UBXN2B: variants seen among roughly 807,000 people sequenced by gnomAD.
UBXN2B encodes UBX domain-containing protein 2B.
A neutral mutation model predicts 37.5 loss-of-function variants in UBXN2B; 19 were observed. That is an observed-to-expected ratio of 0.51 (90% confidence interval 0.35 to 0.74). UBXN2B has a LOEUF of 0.74. UBXN2B is among the 30% of genes least tolerant of loss of function. UBXN2B has a pLI of 0.01. For missense variants in UBXN2B, 370 were observed against 393.2 expected (o/e 0.94, Z 0.50); for synonymous variants, 145 against 143.8 (o/e 1.01, Z -0.06).
intron 3 of UBXN2B, among the ~76,000 whole-genome samples, 157 bp from the exon 4 acceptor site, chr8:58,433,003 T>C (rs1379445860): frequency 1.3e-5 from 2 of 152,242 alleles, no homozygotes; most frequent in Non-Finnish European, 1.5e-5. Flanking sequence ...GAAATGATCT[T>C]TTAGTCAAGT....
chr8:58,440,996 T>C (rs1273416287), intron 6 of UBXN2B, among the ~76,000 whole-genome samples: 1 of 150,724 alleles, frequency 6.6e-6, no homozygotes, highest in Non-Finnish European at 1.5e-5. Flanking sequence ...TCTTTCTTTC[T>C]CTTTTTTTTT....
chr8:58,434,369 A>ATTT (rs3080297), intron 4 of UBXN2B, 26 bp from the exon 5 acceptor site: 96 of 307,022 alleles, frequency 3.1e-4, no homozygotes, highest in African/African-American at 2.4e-3. Context: ...ATATATATAT[A>ATTT]TTTTTTTTTT....
chr8:58,411,401 G>A lies in UBXN2B; in HGVS notation c.16G>A (p.Gly6Ser). The change falls in exon 1 of 8, where the codon GGC (glycine) becomes AGC (serine). Residue 6 changes from glycine to serine, a missense_variant. Gly to Ser is a moderately conservative substitution (Grantham distance 56). Around this residue, in one of 3 missense-constraint regions of UBXN2B, gnomAD observed 197 missense variants for 170.2 expected, o/e 1.16. Coordinates refer to ENST00000399598, the MANE Select transcript of UBXN2B (RefSeq NM_001077619.2). MAEGG[G>S]PEPGEQERRS... ...CCAGCGGAAGATGGCGGAGGGCGGAGGCCCTGAGCCCGGCGAGCAGGAGAG... is the reference window on the plus strand; with the variant it reads ...CCAGCGGAAGATGGCGGAGGGCGGAAGCCCTGAGCCCGGCGAGCAGGAGAG... The A allele has an allele frequency of 7.9e-7, 1 of 1,269,138 alleles. No individual in the cohort carries two copies. The highest frequency in any genetic ancestry group is 1.0e-6 in the Non-Finnish European group (1 of 1,002,782). The allele number at this position is 1,269,138 out of a possible 1,614,324, so 78.6% of individuals were successfully genotyped here. A position where few individuals can be genotyped will look rare whatever the true frequency, so the allele number is the denominator to read the frequency against.
At chr8:58,437,318 CTTTTTTTTTTTTTT>C (rs773987509) in intron 5 of UBXN2B, among the ~76,000 whole-genome samples, 977 of 74,260 alleles carry the variant, frequency 0.013, 15 homozygotes, top group Non-Finnish European at 0.019. Flanking sequence ...GAAGAAATTT[CTTTTTTTTTTTTTT>C]TTTTTTTTTT....
chr8:58,441,831 C>T (rs761708254), intron 6 of UBXN2B, among the ~76,000 whole-genome samples: 3 of 152,094 alleles, frequency 2.0e-5, no homozygotes, highest in Admixed American at 6.6e-5. Flanking sequence ...CCATATTGAT[C>T]AAGATTTTGA....
intron 2 of UBXN2B, among the ~76,000 whole-genome samples, chr8:58,419,157 C>T (rs1019565491): frequency 5.9e-5 from 9 of 152,116 alleles, no homozygotes; most frequent in Non-Finnish European, 1.3e-4. Flanking sequence ...TAGGTTGAGA[C>T]GTAAACTGTG....
intron 2 of UBXN2B, among the ~76,000 whole-genome samples, chr8:58,423,254 A>T (rs979295308): frequency 2.9e-4 from 44 of 152,274 alleles, no homozygotes; most frequent in African/African-American, 1.0e-3. Flanking sequence ...CAGCCAGGCC[A>T]CTGAAAGAGA....
intron 5 of UBXN2B, among the ~76,000 whole-genome samples, chr8:58,438,538 G>A (rs753342351): frequency 3.9e-5 from 6 of 152,214 alleles, no homozygotes; most frequent in Non-Finnish European, 4.4e-5. Flanking sequence ...CTGCCCTGCC[G>A]GGTTTCAGAC....
intron 2 of UBXN2B, among the ~76,000 whole-genome samples, chr8:58,420,233 G>A (rs1807890592): frequency 6.6e-6 from 1 of 152,100 alleles, no homozygotes; most frequent in Non-Finnish European, 1.5e-5. Flanking sequence ...CTTTTACTCT[G>A]ATAATACAGC....
chr8:58,439,326 G>A (rs1429651878), intron 5 of UBXN2B, among the ~76,000 whole-genome samples: 1 of 152,092 alleles, frequency 6.6e-6, no homozygotes, highest in East Asian at 1.9e-4. Context: ...ATCCTCATAG[G>A]AATTTTCTAG....
At chr8:58,420,928 G>C (rs757319351) in intron 2 of UBXN2B, among the ~76,000 whole-genome samples, 1 of 152,186 alleles carries the variant, frequency 6.6e-6, no homozygotes, top group Non-Finnish European at 1.5e-5. Context: ...CCTGACATCA[G>C]GGAGGCCATG....
At chr8:58,426,729 C>T (rs1302789490) in intron 2 of UBXN2B, 3 of 664,084 alleles carry the variant, frequency 4.5e-6, no homozygotes, top group South Asian at 2.8e-5. Context: ...GTTCCTTGCT[C>T]AGGCTCCACT....
At position 58,451,134 on chromosome 8, in the gene UBXN2B, C is replaced by T. The variant is rs1290296194; in HGVS notation, c.*3583C>T. The stretch of plus-strand genomic sequence containing the variant: ...GGATTAACAAAACAGGAAAAATAAC[C>T]AATCCTTGTAAAATTATTTGAAATT... On this transcript the variant is annotated 3_prime_UTR_variant, in exon 8 of 8. Coordinates refer to ENST00000399598, the MANE Select transcript of UBXN2B (RefSeq NM_001077619.2). 2 of 152,516 alleles carry T rather than the reference C, an allele frequency of 1.3e-5. No homozygotes were observed. The highest frequency in any genetic ancestry group is 4.8e-5 in the African/African-American group (2 of 41,392). The allele number at this position is 152,516 out of a possible 1,614,324, so 9.4% of individuals were successfully genotyped here.
intron 3 of UBXN2B, 76 bp downstream of exon 3, chr8:58,430,745 C>A: frequency 8.8e-7 from 1 of 1,135,312 alleles, no homozygotes; most frequent in Non-Finnish European, 1.1e-6. Context: ...TATTTGCAAA[C>A]ATTGTTTTTC....
At chr8:58,437,329 T>TC (rs35049059) in intron 5 of UBXN2B, among the ~76,000 whole-genome samples, 38,716 of 127,902 alleles carry the variant, frequency 0.3, 6,590 homozygotes, top group Admixed American at 0.46. Context: ...TTTTTTTTTT[T>TC]TTTTTTTTTT....
At chr8:58,441,348 C>CGTGTAT (rs1242681481) in intron 6 of UBXN2B, among the ~76,000 whole-genome samples, 4 of 104,660 alleles carry the variant, frequency 3.8e-5, no homozygotes, top group African/African-American at 1.6e-4. Flanking sequence ...TTGTGATCAA[C>CGTGTAT]ATATATATAT....
rs34018318 is a variant in UBXN2B at position 58,432,375 on chromosome 8, C to CTTTTTTT, written c.340-766_340-760dup. 6.1e-4 allele frequency among the ~76,000 whole-genome samples: 50 copies of CTTTTTTT among 81,506 alleles called. 3 individuals carry two copies. Among genetic ancestry groups the CTTTTTTT allele is most frequent in the East Asian group, 2.3e-3 (6 of 2,576 alleles). The allele number at this position is 81,506 out of a possible 152,430, so 53.5% of individuals were successfully genotyped here. ...ATTGCTTTTGTACCTTTCTAAATTTCTTTTTTTTTTTTTTTTTTTTTTTTT... is the reference window on the plus strand; with the variant it reads ...ATTGCTTTTGTACCTTTCTAAATTTCTTTTTTTTTTTTTTTTTTTTTTTTTTTTTTTT... On this transcript the variant is annotated intron_variant, in intron 3 of 7. Transcript: ENST00000399598.
Position 58,434,590 on chromosome 8 carries a change from T to A in UBXN2B, c.533+86T>A, listed in dbSNP as rs117964966. On this transcript the variant is annotated intron_variant, in intron 5 of 7. Coordinates refer to ENST00000399598, the MANE Select transcript of UBXN2B (RefSeq NM_001077619.2). ...CTACTCATTATTAGTGCACTACGGGTTTTCAAGAAGTAGTTCCTGGAATAT... is the reference window on the plus strand; with the variant it reads ...CTACTCATTATTAGTGCACTACGGGATTTCAAGAAGTAGTTCCTGGAATAT... 3,590 of 1,065,626 alleles carry A rather than the reference T, an allele frequency of 3.4e-3. 14 individuals carry two copies. The highest frequency in any genetic ancestry group is 4.5e-3 in the South Asian group (221 of 49,438). 66.0% of individuals were successfully genotyped at this position (1,065,626 alleles called of 1,614,324 possible).
At chr8:58,424,739 T>C in intron 2 of UBXN2B, 2 of 1,392,310 alleles carry the variant, frequency 1.4e-6, no homozygotes, top group Non-Finnish European at 2.0e-6. Flanking sequence ...GAATACTTAA[T>C]ATTTGTATAT....
Sources: gnomAD v4.1 joint callset for allele counts (sites outside exome capture counted in the v4.1 genomes callset) on GRCh38, gnomAD v4.1.1 for gene constraint, gnomAD v4.1.1 regional missense constraint, MANE v1.5 for transcripts, NCBI Gene and HGNC (gene_info 2026-07-23, HGNC 2026-07-21) for gene names.